ADAMTS12: variants seen among roughly 807,000 people sequenced by gnomAD.
ADAMTS12 encodes ADAM metallopeptidase with thrombospondin type 1 motif 12.
ADAMTS12 carries 118 observed loss-of-function variants against 167.8 expected under a neutral mutation model. That is an observed-to-expected ratio of 0.70 (90% CI 0.61 to 0.82). ADAMTS12 has a LOEUF of 0.82. Among genes scored for constraint, ADAMTS12 ranks in the 40% least tolerant of loss-of-function variants. ADAMTS12 has a pLI of 0.00. For synonymous variants in ADAMTS12, 704 were observed against 716.9 expected (o/e 0.98, Z 0.29); for missense variants, 1,916 against 1,998.8 (o/e 0.96, Z 0.79).
At chr5:33,729,533 G>C (rs1328639422) in intron 3 of ADAMTS12, among the ~76,000 whole-genome samples, 1 of 152,226 alleles carries the variant, frequency 6.6e-6, no homozygotes, top group Non-Finnish European at 1.5e-5. Context: ...AACTGGCTTT[G>C]TCTGCTCAGG....
chr5:33,585,706 C>A (rs868084851), intron 18 of ADAMTS12, among the ~76,000 whole-genome samples: 9 of 152,168 alleles, frequency 5.9e-5, no homozygotes, highest in Middle Eastern at 3.2e-3. Context: ...TGGGCAAAAC[C>A]AGGATAAGAT....
intron 2 of ADAMTS12, among the ~76,000 whole-genome samples, chr5:33,762,849 C>T (rs146747482): frequency 1.8e-3 from 274 of 152,234 alleles, no homozygotes; most frequent in Middle Eastern, 0.01. Context: ...AAAGAGAGGA[C>T]GGGAGCTGAA....
intron 1 of ADAMTS12, among the ~76,000 whole-genome samples, chr5:33,882,718 A>T (rs1750494536): frequency 6.6e-6 from 1 of 152,002 alleles, no homozygotes; most frequent in Admixed American, 6.6e-5. Flanking sequence ...CAGCCTCCTA[A>T]GTAGCTGGGA....
intron 3 of ADAMTS12, among the ~76,000 whole-genome samples, chr5:33,737,371 CA>C (rs1285168637): frequency 1.3e-5 from 2 of 152,106 alleles, no homozygotes; most frequent in Non-Finnish European, 2.9e-5. Context: ...GGAATTTTTG[CA>C]ATTCTAAAAG....
intron 18 of ADAMTS12, among the ~76,000 whole-genome samples, chr5:33,581,094 T>C (rs988056574): frequency 3.3e-5 from 5 of 152,222 alleles, no homozygotes; most frequent in African/African-American, 1.2e-4. Flanking sequence ...GAACAGGCAG[T>C]GCTGCTTTGT....
chr5:33,616,250 G>A (rs189701476), intron 14 of ADAMTS12, among the ~76,000 whole-genome samples, 178 bp from the exon 15 acceptor site: 1 of 152,308 alleles, frequency 6.6e-6, no homozygotes, highest in Admixed American at 6.5e-5. Context: ...ACTTGGACAC[G>A]AACAGAATTC....
At chr5:33,876,396 T>C (rs962980279) in intron 2 of ADAMTS12, among the ~76,000 whole-genome samples, 11 of 152,242 alleles carry the variant, frequency 7.2e-5, no homozygotes, top group African/African-American at 2.4e-4. Flanking sequence ...TGACTAATTA[T>C]ATAGCTACAG....
intron 21 of ADAMTS12, among the ~76,000 whole-genome samples, chr5:33,547,893 C>A (rs1358753954): frequency 6.6e-6 from 1 of 152,150 alleles, no homozygotes; most frequent in Non-Finnish European, 1.5e-5. Context: ...CCAGGCTCAG[C>A]ACATATGGAG....
At chr5:33,620,559 T>A (rs1032218344) in intron 14 of ADAMTS12, among the ~76,000 whole-genome samples, 2 of 152,262 alleles carry the variant, frequency 1.3e-5, no homozygotes, top group Non-Finnish European at 2.9e-5. Flanking sequence ...GTCACTTTTA[T>A]GCAGTTATGA....
chr5:33,658,513 A>G (rs1259342004), intron 6 of ADAMTS12, among the ~76,000 whole-genome samples, 180 bp from the exon 7 acceptor site: 1 of 152,230 alleles, frequency 6.6e-6, no homozygotes, highest in Non-Finnish European at 1.5e-5. Flanking sequence ...TTCTGATTTT[A>G]CCTTTTGATT....
chr5:33,719,118 A>G (rs1743714628), intron 3 of ADAMTS12, among the ~76,000 whole-genome samples: 1 of 152,140 alleles, frequency 6.6e-6, no homozygotes, highest in Non-Finnish European at 1.5e-5. Context: ...GAGGAAATAG[A>G]AGTTCTCAGA....
intron 2 of ADAMTS12, among the ~76,000 whole-genome samples, chr5:33,872,028 A>G (rs972502123): frequency 1.3e-5 from 2 of 152,240 alleles, no homozygotes; most frequent in African/African-American, 4.8e-5. Context: ...GGCAATGTAA[A>G]TAGGTCTCTA....
chr5:33,787,166 G>A (rs1436201826), intron 2 of ADAMTS12, among the ~76,000 whole-genome samples: 1 of 151,928 alleles, frequency 6.6e-6, no homozygotes, highest in Non-Finnish European at 1.5e-5. Flanking sequence ...TTGGAAGAAG[G>A]TAGGAAATAT....
intron 14 of ADAMTS12, 34 bp from the exon 15 acceptor site, chr5:33,616,106 C>A: frequency 1.9e-6 from 3 of 1,608,294 alleles, no homozygotes; most frequent in Admixed American, 1.7e-5. Context: ...GAAAGAGGCA[C>A]GCCAGCTTCT....
intron 2 of ADAMTS12, among the ~76,000 whole-genome samples, chr5:33,808,458 A>C (rs976425974): frequency 6.6e-6 from 1 of 152,232 alleles, no homozygotes; most frequent in Non-Finnish European, 1.5e-5. Flanking sequence ...CAAGTTTGAG[A>C]ACCAGTTATC....
rs1740457344 is a variant in ADAMTS12 at position 33,641,815 on chromosome 5, G to T, written c.1713C>A (p.Asn571Lys). ...GVQSAERLCN[N>K]PEPKFGGKYC... Reference sequence around the variant, plus strand: ...ATATATTTATCTGGACTCACTCGGGGTTGTTGCAGAGCCTCTCTGCGCTCT... The same window carrying T: ...ATATATTTATCTGGACTCACTCGGGTTTGTTGCAGAGCCTCTCTGCGCTCT... The change falls in exon 11 of 24, where the codon AAC becomes AAA. Residue 571 changes from asparagine (N) to lysine (K), a missense_variant. Asn to Lys is a moderately conservative substitution (Grantham distance 94). Transcript: ENST00000504830. The T allele has an allele frequency of 6.2e-7, 1 of 1,608,972 alleles. No individual in the cohort carries two copies. Among genetic ancestry groups the T allele is most frequent in the Non-Finnish European group, 8.5e-7 (1 of 1,176,590 alleles).
At chr5:33,782,117 A>ATT (rs1324831441) in intron 2 of ADAMTS12, among the ~76,000 whole-genome samples, 1 of 151,968 alleles carries the variant, frequency 6.6e-6, no homozygotes, top group African/African-American at 2.4e-5. Flanking sequence ...TTCTTCTCTT[A>ATT]TTTTTTTAAA....
intron 16 of ADAMTS12, among the ~76,000 whole-genome samples, chr5:33,598,269 G>A (rs1482202853): frequency 6.6e-6 from 1 of 152,094 alleles, no homozygotes; most frequent in African/African-American, 2.4e-5. Flanking sequence ...TTCCAATGAG[G>A]GCCCCAACCC....
At chr5:33,776,857 A>G (rs1021696202) in intron 2 of ADAMTS12, among the ~76,000 whole-genome samples, 3 of 152,150 alleles carry the variant, frequency 2.0e-5, no homozygotes, top group Non-Finnish European at 2.9e-5. Flanking sequence ...TTCAGTTGAT[A>G]CCACATAAAA....
Sources: allele counts gnomAD v4.1 joint callset (sites outside exome capture counted in the v4.1 genomes callset), GRCh38; gene constraint gnomAD v4.1.1; transcripts MANE v1.5; gene names NCBI Gene and HGNC (gene_info 2026-07-23, HGNC 2026-07-21).